PALD1: variants seen among roughly 807,000 people sequenced by gnomAD.
PALD1 encodes the protein phosphatase domain containing paladin 1, also known as paladin.
In PALD1, 57 loss-of-function variants were observed where a neutral mutation model predicts 96.0. That is an observed-to-expected ratio of 0.59 (90% confidence interval 0.48 to 0.74). The LOEUF is 0.74. Ranked by LOEUF, PALD1 falls within the 30% of genes least tolerant of loss-of-function variation. The probability of loss-of-function intolerance (pLI) is 0.00; values close to 1 mark genes in which losing one functional copy is unlikely to be tolerated. For synonymous variants in PALD1, 464 were observed against 473.6 expected, an observed-to-expected ratio of 0.98 and a Z score of 0.26; for missense variants, 1,063 against 1,143.7, an observed-to-expected ratio of 0.93 and a Z score of 1.02.
intron 10 of PALD1, among the ~76,000 whole-genome samples, chr10:70,535,224 T>TA (rs1258843839): frequency 1.3e-5 from 2 of 152,210 alleles, no homozygotes; most frequent in Admixed American, 6.5e-5. Flanking sequence ...CTGAAAGACT[T>TA]ATGGGCTCTA....
At chr10:70,490,421 G>T (rs1846080494) in intron 1 of PALD1, among the ~76,000 whole-genome samples, 1 of 152,114 alleles carries the variant, frequency 6.6e-6, no homozygotes, top group South Asian at 2.1e-4. Flanking sequence ...ACAAGGTCTT[G>T]TGTTGCCCAG....
chr10:70,488,950 G>C (rs780839020), intron 1 of PALD1, among the ~76,000 whole-genome samples: 1 of 151,426 alleles, frequency 6.6e-6, no homozygotes, highest in Non-Finnish European at 1.5e-5. Context: ...ACTGCTGGGG[G>C]TTCTGGGCGG....
Position 70,547,451 on chromosome 10 carries a change from G to GCC in PALD1, c.2262+9_2262+10dup. On this transcript the variant is annotated splice_donor_region_variant and intron_variant, in intron 18 of 19. Coordinates refer to ENST00000263563, the MANE Select transcript of PALD1 (RefSeq NM_014431.3). Reference sequence around the variant, plus strand: ...ATCATCTGCACCTACCGCCAGGTGAGCCCCCACCCCACCCCACCCCACCCT... The same window carrying GCC: ...ATCATCTGCACCTACCGCCAGGTGAGCCCCCCCACCCCACCCCACCCCACCCT... 2 of 1,585,842 alleles carry GCC rather than the reference G, an allele frequency of 1.3e-6. No homozygotes were observed. The highest frequency in any genetic ancestry group is 1.1e-5 in the South Asian group (1 of 88,736).
At chr10:70,528,459 G>T (rs573062124) in intron 2 of PALD1, among the ~76,000 whole-genome samples, 2 of 152,314 alleles carry the variant, frequency 1.3e-5, no homozygotes, top group East Asian at 3.9e-4. Flanking sequence ...CAGTCTTGGG[G>T]GTAGGAATTC....
chr10:70,499,195 T>C (rs1846249298), intron 1 of PALD1, among the ~76,000 whole-genome samples: 1 of 152,224 alleles, frequency 6.6e-6, no homozygotes, highest in Admixed American at 6.5e-5. Context: ...GGATGCCAGT[T>C]CTGCCTGGCT....
intron 10 of PALD1, among the ~76,000 whole-genome samples, chr10:70,537,063 T>G (rs182379909): frequency 2.0e-5 from 3 of 152,262 alleles, no homozygotes; most frequent in Non-Finnish European, 1.5e-5. Flanking sequence ...CCTGGAGCAC[T>G]GCTGTGAGGG....
At chr10:70,533,865 G>A (rs1040290925) in intron 7 of PALD1, 57 bp from the exon 8 acceptor site, 229 of 1,458,808 alleles carry the variant, frequency 1.6e-4, no homozygotes, top group Non-Finnish European at 2.1e-4. Flanking sequence ...CCCTGCTCAG[G>A]CCTCAGCCCA....
At chr10:70,536,184 C>T (rs1029353705) in intron 10 of PALD1, among the ~76,000 whole-genome samples, 4 of 152,108 alleles carry the variant, frequency 2.6e-5, no homozygotes, top group Admixed American at 6.5e-5. Flanking sequence ...CCCAGTAGTA[C>T]CAGCTATCAG....
chr10:70,521,270 G>T (rs1158479466), intron 1 of PALD1, among the ~76,000 whole-genome samples: 3 of 152,030 alleles, frequency 2.0e-5, no homozygotes, highest in Admixed American at 2.0e-4. Context: ...TTGCTGCTAG[G>T]GTCAGCTCTA....
At chr10:70,532,436 CCCGATT>C (rs1325046742) in intron 5 of PALD1, among the ~76,000 whole-genome samples, 179 bp from the exon 6 acceptor site, 2 of 152,206 alleles carry the variant, frequency 1.3e-5, no homozygotes, top group Non-Finnish European at 2.9e-5. Flanking sequence ...GTGTAGGCAC[CCCGATT>C]CCTTCAGAAC....
chr10:70,516,999 G>A (rs2132330819), intron 1 of PALD1, among the ~76,000 whole-genome samples: 2 of 152,234 alleles, frequency 1.3e-5, no homozygotes, highest in Non-Finnish European at 2.9e-5. Flanking sequence ...AAGGCACACA[G>A]CCCAGCTTCA....
Position 70,505,545 on chromosome 10 carries a change from C to T in PALD1, c.-29-20378C>T, listed in dbSNP as rs111314335. 8.8e-3 allele frequency among the ~76,000 whole-genome samples: 1,329 copies of T among 151,878 alleles called. 18 individuals are homozygous for T. The highest frequency in any genetic ancestry group is 0.03 in the African/African-American group (1,249 of 41,416). ...CTTCAACCCGGGAGGCGGAGGTTGC[C>T]GTGAGCCGAGATCACGTCATTGTAC... On this transcript the variant is annotated intron_variant, in intron 1 of 19. Coordinates refer to ENST00000263563, the MANE Select transcript of PALD1 (RefSeq NM_014431.3).
intron 19 of PALD1, among the ~76,000 whole-genome samples, chr10:70,564,834 C>T (rs1487986114): frequency 6.6e-6 from 1 of 152,250 alleles, no homozygotes; most frequent in Admixed American, 6.5e-5. Context: ...CCTGTCACCA[C>T]AGCCACCCTT....
chr10:70,484,640 G>A (rs1316287808), intron 1 of PALD1, among the ~76,000 whole-genome samples: 1 of 152,000 alleles, frequency 6.6e-6, no homozygotes, highest in Admixed American at 6.6e-5. Flanking sequence ...CCGGGTTCAA[G>A]CGATTCTCCT....
At chr10:70,544,904 G>T (rs1199717201) in intron 17 of PALD1, among the ~76,000 whole-genome samples, 1 of 152,228 alleles carries the variant, frequency 6.6e-6, no homozygotes, top group Non-Finnish European at 1.5e-5. Context: ...CATGCCTGCT[G>T]GGGTGCCCAG....
the PALD1 span, among the ~76,000 whole-genome samples, chr10:70,459,144 C>A: frequency 2.6e-5 from 4 of 152,052 alleles, no homozygotes; most frequent in Non-Finnish European, 1.5e-5. Context: ...CCACTGCCAC[C>A]GTTTGTCCAT....
At chr10:70,486,775 A>T (rs1589169006) in intron 1 of PALD1, among the ~76,000 whole-genome samples, 1 of 151,990 alleles carries the variant, frequency 6.6e-6, no homozygotes, top group Admixed American at 6.6e-5. Flanking sequence ...AACAAAACAA[A>T]ACAAAACAAA....
In PALD1 at chr10:70,534,449, C is replaced by G. The variant is rs761734254; in HGVS notation, c.1047C>G (p.Pro349=). The change falls in exon 9 of 20, where the codon CCC becomes CCG. Residue 349 remains proline (P), a synonymous_variant. Coordinates refer to ENST00000263563, the MANE Select transcript of PALD1 (RefSeq NM_014431.3). Reference sequence around the variant, plus strand: ...GGGCTGCCCCCACGCAGGCCAAGCCCCTGCCTATGGAGCAGTTCCAGGTGA... The same window carrying G: ...GGGCTGCCCCCACGCAGGCCAAGCCGCTGCCTATGGAGCAGTTCCAGGTGA... ...QPEAAPTQAK[P]LPMEQFQVIQ... The G allele has an allele frequency of 1.2e-6, 2 of 1,612,076 alleles. No homozygotes were observed. The highest frequency in any genetic ancestry group is 8.5e-7 in the Non-Finnish European group (1 of 1,179,216).
chr10:70,460,062 C>A, the PALD1 span, among the ~76,000 whole-genome samples: 2 of 152,236 alleles, frequency 1.3e-5, no homozygotes, highest in African/African-American at 4.8e-5. Context: ...CCCTGCCTGG[C>A]CGCACAGCAG....
Sources: allele counts gnomAD v4.1 joint callset (sites outside exome capture counted in the v4.1 genomes callset), GRCh38; gene constraint gnomAD v4.1.1; transcripts MANE v1.5; gene names NCBI Gene and HGNC (gene_info 2026-07-23, HGNC 2026-07-21).